CPNE4: variants seen among roughly 807,000 people sequenced by gnomAD.
CPNE4 encodes the protein copine 4.
CPNE4 carries 25 observed loss-of-function variants against 67.9 expected under a neutral mutation model. The observed-to-expected ratio is 0.37, with a 90% confidence interval of 0.27 to 0.51. The LOEUF (loss-of-function observed/expected upper bound fraction) is 0.51. Among genes scored for constraint, CPNE4 ranks in the 20% least tolerant of loss-of-function variants. The pLI, the probability that CPNE4 is intolerant of heterozygous loss-of-function variation, is 0.93. For missense variants in CPNE4, 464 were observed against 690.8 expected, an observed-to-expected ratio of 0.67 and a Z score of 3.68; for synonymous variants, 242 against 244.9, an observed-to-expected ratio of 0.99 and a Z score of 0.11.
chr3:131,582,749 G>T (rs141056843), intron 8 of CPNE4, among the ~76,000 whole-genome samples: 13 of 152,254 alleles, frequency 8.5e-5, no homozygotes, highest in Non-Finnish European at 1.9e-4. Context: ...GAAGTTTTCA[G>T]GGCCATATTA....
intron 1 of CPNE4, among the ~76,000 whole-genome samples, chr3:131,977,043 G>T (rs914936498): frequency 2.0e-5 from 3 of 151,948 alleles, no homozygotes; most frequent in Non-Finnish European, 4.4e-5. Flanking sequence ...CTCGTGATCT[G>T]CCCGCCTCAG....
intron 14 of CPNE4, among the ~76,000 whole-genome samples, chr3:131,547,787 A>T (rs72997273): frequency 0.011 from 1,653 of 152,264 alleles, 31 homozygotes; most frequent in African/African-American, 0.038. Flanking sequence ...TGATTTCAAG[A>T]ACATGATGTA....
At chr3:131,560,379 G>T (rs955279807) in intron 11 of CPNE4, among the ~76,000 whole-genome samples, 1 of 151,954 alleles carries the variant, frequency 6.6e-6, no homozygotes, top group Admixed American at 6.6e-5. Flanking sequence ...CTCATAGAAG[G>T]CTTGTCTGGT....
At chr3:132,024,148 A>G (rs1208570551) in intron 1 of CPNE4, among the ~76,000 whole-genome samples, 4 of 149,580 alleles carry the variant, frequency 2.7e-5, no homozygotes, top group Non-Finnish European at 5.9e-5. Flanking sequence ...CTGCAGCGCA[A>G]TCTTGGCTCA....
chr3:131,580,224 A>C (rs1418703491), intron 9 of CPNE4, among the ~76,000 whole-genome samples: 1 of 152,140 alleles, frequency 6.6e-6, no homozygotes, highest in Non-Finnish European at 1.5e-5. Context: ...GGTATTTTTA[A>C]ATTAAAGTAC....
intron 2 of CPNE4, among the ~76,000 whole-genome samples, chr3:131,813,336 G>C (rs1216223340): frequency 6.6e-6 from 1 of 151,004 alleles, no homozygotes; most frequent in African/African-American, 2.4e-5. Flanking sequence ...AGTTGTAATA[G>C]AATAGAAGGA....
intron 1 of CPNE4, among the ~76,000 whole-genome samples, chr3:132,005,360 C>T (rs879824980): frequency 0.61 from 49,354 of 80,984 alleles, 14,517 homozygotes; most frequent in South Asian, 0.7. Context: ...CACACACACA[C>T]ACACACACAC....
At chr3:131,913,227 G>C (rs1306760539) in intron 1 of CPNE4, among the ~76,000 whole-genome samples, 2 of 152,116 alleles carry the variant, frequency 1.3e-5, no homozygotes, top group Non-Finnish European at 2.9e-5. Context: ...CCAGTGCCAG[G>C]GAAAGGCAGT....
chr3:131,682,933 C>A (rs1227665410), intron 6 of CPNE4, among the ~76,000 whole-genome samples: 1 of 152,124 alleles, frequency 6.6e-6, no homozygotes, highest in African/African-American at 2.4e-5. Context: ...AGGACCACAG[C>A]AAGTACTGCC....
rs373884148 is a variant in CPNE4 at position 131,656,624 on chromosome 3, T to C, written c.681+13051A>G. Among the ~76,000 whole-genome samples, 15 of 152,352 alleles carry C rather than the reference T, an allele frequency of 9.8e-5. No individual in the cohort carries two copies. The East Asian group carries it at 2.9e-3, about 29-fold the overall frequency. The stretch of plus-strand genomic sequence containing the variant: ...ATCTACTATATGCCAAGCACTGTTT[T>C]AGGGGCTGAGGATATAGAGGTGAAT... On this transcript the variant is annotated intron_variant, in intron 7 of 15. Transcript: ENST00000429747.
intron 2 of CPNE4, among the ~76,000 whole-genome samples, chr3:131,801,452 G>GTGTGTATATATATATA (rs761978890): frequency 3.2e-4 from 17 of 53,350 alleles, no homozygotes; most frequent in African/African-American, 1.3e-3. Flanking sequence ...GTGTGTGTGT[G>GTGTGTATATATATATA]TATATATATA....
intron 1 of CPNE4, among the ~76,000 whole-genome samples, chr3:131,982,846 TA>T (rs2072941437): frequency 1.3e-5 from 2 of 152,036 alleles, no homozygotes; most frequent in African/African-American, 4.8e-5. Flanking sequence ...TACAATAAAT[TA>T]CATATATATG....
At chr3:131,714,228 T>C (rs1016270073) in intron 3 of CPNE4, among the ~76,000 whole-genome samples, 6 of 152,132 alleles carry the variant, frequency 3.9e-5, no homozygotes, top group Non-Finnish European at 7.3e-5. Context: ...TTCAGCAACC[T>C]GGCTCATCCC....
intron 6 of CPNE4, among the ~76,000 whole-genome samples, chr3:131,681,927 A>T (rs2080768391): frequency 6.6e-6 from 1 of 151,824 alleles, no homozygotes. Flanking sequence ...TTGATACCTT[A>T]TATAGTGTGT....
At chr3:131,629,675 C>A (rs2079170076) in intron 7 of CPNE4, among the ~76,000 whole-genome samples, 1 of 152,138 alleles carries the variant, frequency 6.6e-6, no homozygotes, top group African/African-American at 2.4e-5. Context: ...GAACTCCTGG[C>A]CTCAAGTCAT....
intron 1 of CPNE4, among the ~76,000 whole-genome samples, chr3:131,935,281 T>C (rs1273182425): frequency 6.6e-6 from 1 of 152,126 alleles, no homozygotes; most frequent in African/African-American, 2.4e-5. Context: ...GGCCATGGTA[T>C]ATTATCTGGA....
At chr3:131,975,084 C>A (rs2072611741) in intron 1 of CPNE4, among the ~76,000 whole-genome samples, 1 of 152,080 alleles carries the variant, frequency 6.6e-6, no homozygotes, top group Non-Finnish European at 1.5e-5. Context: ...TCGTATTATT[C>A]ATTTTTAACA....
intron 1 of CPNE4, among the ~76,000 whole-genome samples, chr3:132,022,985 C>G (rs2074029828): frequency 6.6e-6 from 1 of 152,190 alleles, no homozygotes; most frequent in Non-Finnish European, 1.5e-5. Flanking sequence ...TGAATTTACT[C>G]AGTTAAACTT....
At chr3:131,844,406 A>G (rs2107627499) in intron 2 of CPNE4, among the ~76,000 whole-genome samples, 1 of 152,074 alleles carries the variant, frequency 6.6e-6, no homozygotes, top group Admixed American at 6.6e-5. Context: ...AGCTGGGACT[A>G]CAGGCGCCTG....
Sources: allele counts gnomAD v4.1 joint callset (sites outside exome capture counted in the v4.1 genomes callset), GRCh38; gene constraint gnomAD v4.1.1; transcripts MANE v1.5; gene names NCBI Gene and HGNC (gene_info 2026-07-23, HGNC 2026-07-21).